Variants in ZNF28 observed in about 807,000 individuals in gnomAD.
ZNF28 encodes zinc finger protein 28, also known as zinc finger protein KOX24.
A neutral mutation model predicts 7.2 loss-of-function variants in ZNF28; 5 were observed. The ratio of observed to expected loss-of-function variants is 0.70; its 90% CI spans 0.36 to 1.46. The LOEUF is 1.46. Ranked by LOEUF, ZNF28 falls within the 40% of genes most tolerant of loss-of-function variation. The pLI, the probability that ZNF28 is intolerant of heterozygous loss-of-function variation, is 0.03. For missense variants in ZNF28, 879 were observed against 866.6 expected, an observed-to-expected ratio of 1.01 and a Z score of -0.18; for synonymous variants, 288 against 292.4, an observed-to-expected ratio of 0.99 and a Z score of 0.15.
rs1389764184 is a variant in ZNF28 at position 52,799,065 on chromosome 19, T to C, written c.*623A>G. ...ATTCTCCTGTCTTTCAAGCTGTGAT[T>C]TGTGACTGACAACTTTGTCACAGTC... On this transcript the variant is annotated 3_prime_UTR_variant, in exon 4 of 4. Transcript: ENST00000457749. The C allele has an allele frequency of 8.3e-6, 4 of 479,758 alleles. No individual in the cohort carries two copies. Among genetic ancestry groups the C allele is most frequent in the Non-Finnish European group, 1.2e-5 (3 of 260,174 alleles). 29.7% of individuals were successfully genotyped at this position (479,758 alleles called of 1,614,324 possible). A position where few individuals can be genotyped will look rare whatever the true frequency, so the allele number is the denominator to read the frequency against.
At chr19:52,820,290 T>TA (rs1420868948) in intron 1 of ZNF28, among the ~76,000 whole-genome samples, 1 of 135,016 alleles carries the variant, frequency 7.4e-6, no homozygotes, top group Non-Finnish European at 1.5e-5. Context: ...GCTAATTTTT[T>TA]GTATTTTTAG....
intron 2 of ZNF28, 91 bp downstream of exon 2, chr19:52,817,853 A>G: frequency 1.9e-6 from 3 of 1,593,202 alleles, no homozygotes; most frequent in Non-Finnish European, 2.6e-6. Context: ...ATCAGGCAGG[A>G]CACTTCAGAC....
chr19:52,803,509 AAGT>A (rs1311090476), intron 3 of ZNF28, among the ~76,000 whole-genome samples: 1 of 152,238 alleles, frequency 6.6e-6, no homozygotes, highest in Non-Finnish European at 1.5e-5. Context: ...AGAAAATAAC[AAGT>A]AGATTTATAC....
At chr19:52,809,197 A>C (rs1005966696) in intron 2 of ZNF28, among the ~76,000 whole-genome samples, 4 of 152,214 alleles carry the variant, frequency 2.6e-5, no homozygotes, top group Admixed American at 1.3e-4. Context: ...ATCCTAGAAG[A>C]AGCAATCACC....
chr19:52,810,778 CCCA>C (rs200898708), intron 2 of ZNF28: 3,686 of 335,430 alleles, frequency 0.011, 229 homozygotes, highest in African/African-American at 0.1. Flanking sequence ...TAAAAAAAAA[CCCA>C]AAAAAAACAG....
Position 52,819,523 on chromosome 19 carries a change from C to T in ZNF28, c.-73-1492G>A, listed in dbSNP as rs62120978. ...TCTATTTTGCCAATCATTTCAGTGG[C>T]CAGGGTCACTCGGGTTGAGCTTTTC... On this transcript the variant is annotated intron_variant, in intron 1 of 3. Coordinates refer to ENST00000457749, the MANE Select transcript of ZNF28 (RefSeq NM_006969.5). Among the ~76,000 whole-genome samples, 146 of 68,362 alleles carry T rather than the reference C, an allele frequency of 2.1e-3. 25 individuals carry two copies. Among genetic ancestry groups the T allele is most frequent in the East Asian group, 8.4e-3 (38 of 4,526 alleles). 44.8% of individuals were successfully genotyped at this position (68,362 alleles called of 152,430 possible). A position where few individuals can be genotyped will look rare whatever the true frequency, so the allele number is the denominator to read the frequency against.
chr19:52,809,825 C>CAGCGGCGGT, intron 2 of ZNF28: 2 of 529,912 alleles, frequency 3.8e-6, no homozygotes, highest in Middle Eastern at 5.2e-4. Flanking sequence ...GCGGCGAAGG[C>CAGCGGCGGT]GGCGGCGGCG....
At position 52,813,555 on chromosome 19, in the gene ZNF28, G is replaced by C. The variant is rs543318418; in HGVS notation, c.15+4389C>G. 4.1e-5 allele frequency among the ~76,000 whole-genome samples: 6 copies of C among 145,148 alleles called. 1 individual carries two copies. The highest frequency in any genetic ancestry group is 8.9e-5 in the Non-Finnish European group (6 of 67,444). Reference sequence around the variant, plus strand: ...CTGTTCGGCTTGTCACCTTCCCTCCGTCTTCTCCTCACCTTTCACAGTCCC... The same window carrying C: ...CTGTTCGGCTTGTCACCTTCCCTCCCTCTTCTCCTCACCTTTCACAGTCCC... On this transcript the variant is annotated intron_variant, in intron 2 of 3. Coordinates refer to ENST00000457749, the MANE Select transcript of ZNF28 (RefSeq NM_006969.5).
rs554029963 is a variant in ZNF28 at position 52,810,033 on chromosome 19, C to T, written c.16-1900G>A. 153 of 738,440 alleles carry T rather than the reference C, an allele frequency of 2.1e-4. 1 individual carries two copies. The Admixed American group carries it at 2.9e-3, about 14-fold the overall frequency. 45.7% of individuals were successfully genotyped at this position (738,440 alleles called of 1,614,324 possible). ...GTTGGAGCCGGAGCCCGAAGAGGAG[C>T]CGCTCCAGCCCCGCGCCCCATGCCT... On this transcript the variant is annotated intron_variant, in intron 2 of 3. Transcript: ENST00000457749.
At chr19:52,803,582 C>T (rs1327583846) in intron 3 of ZNF28, among the ~76,000 whole-genome samples, 1 of 152,168 alleles carries the variant, frequency 6.6e-6, no homozygotes, top group African/African-American at 2.4e-5. Flanking sequence ...GTACTTACCA[C>T]CAGCACACAA....
Position 52,819,658 on chromosome 19 carries a change from C to T in ZNF28, c.-73-1627G>A, listed in dbSNP as rs1176586450. ...GGTCTGAGATGAGTGAGAAGGTGTG[C>T]CTGAATTCTTACATGGGGGCCTGGA... On this transcript the variant is annotated intron_variant, in intron 1 of 3. Coordinates refer to ENST00000457749, the MANE Select transcript of ZNF28 (RefSeq NM_006969.5). Among the ~76,000 whole-genome samples, 5 of 137,742 alleles carry T rather than the reference C, an allele frequency of 3.6e-5. 1 individual carries two copies. The highest frequency in any genetic ancestry group is 1.5e-4 in the Admixed American group (2 of 13,716). 90.4% of individuals were successfully genotyped at this position (137,742 alleles called of 152,430 possible).
Position 52,801,285 on chromosome 19 carries a change from T to G in ZNF28, c.560A>C (p.His187Pro). Residue 187 changes from histidine to proline, a missense_variant, in exon 4 of 4, where the codon CAT (histidine) becomes CCT (proline). Physicochemically the swap from His to Pro is moderately conservative, Grantham distance 77 (BLOSUM62 -2). Transcript: ENST00000457749. ...ATTATTTCCATACTTATTAGAAATA[T>G]GGGTTTTGGGCCTACAACAAATTCT... ...SQRICCRPKT[H>P]ISNKYGNNSL... The G allele has an allele frequency of 6.2e-7, 1 of 1,614,150 alleles. No homozygotes were observed. The highest frequency in any genetic ancestry group is 8.5e-7 in the Non-Finnish European group (1 of 1,180,012).
intron 2 of ZNF28, among the ~76,000 whole-genome samples, chr19:52,808,803 A>G (rs1342383301): frequency 6.6e-6 from 1 of 152,108 alleles, no homozygotes; most frequent in Non-Finnish European, 1.5e-5. Flanking sequence ...ACAAACCGAG[A>G]CCCCATCTCA....
At chr19:52,812,728 T>TC (rs1285279043) in intron 2 of ZNF28, among the ~76,000 whole-genome samples, 1 of 76,214 alleles carries the variant, frequency 1.3e-5, no homozygotes, top group Non-Finnish European at 2.4e-5. Flanking sequence ...CCCTGCCAAA[T>TC]CCCCCTCTGC....
rs1568655817 is a variant in ZNF28, at chr19:52,810,878, CCCCTCCCCCTCCCCCTCCCCCTCCCTCT to C, written c.16-2773_16-2746del. Among the ~76,000 whole-genome samples the C allele has an allele frequency of 2.3e-3, 43 of 18,552 alleles. 3 individuals are homozygous for C. Among genetic ancestry groups the C allele is most frequent in the South Asian group, 6.2e-3 (2 of 324 alleles). The allele number at this position is 18,552 out of a possible 152,430, so 12.2% of individuals were successfully genotyped here. A position where few individuals can be genotyped will look rare whatever the true frequency, so the allele number is the denominator to read the frequency against. ...CCCTCTCCCCCTCCCCCTCCCCCTC[CCCCTCCCCCTCCCCCTCCCCCTCCCTCT>C]CCCTCTCCCTCCACAGTCTCCCTCT... On this transcript the variant is annotated intron_variant, in intron 2 of 3. Coordinates refer to ENST00000457749, the MANE Select transcript of ZNF28 (RefSeq NM_006969.5).
chr19:52,806,804 G>A (rs113917432), intron 3 of ZNF28, among the ~76,000 whole-genome samples: 167 of 151,990 alleles, frequency 1.1e-3, no homozygotes, highest in African/African-American at 3.7e-3. Flanking sequence ...CAGGAATCTG[G>A]GGCATAAGCA....
Position 52,800,646 on chromosome 19 carries a change from C to A in ZNF28, c.1199G>T (p.Arg400Ile), listed in dbSNP as rs748132188. The change falls in exon 4 of 4, where the codon AGA becomes ATA. Residue 400 changes from arginine to isoleucine, a missense_variant. By Grantham distance (97) the Arg-to-Ile change is moderately conservative (BLOSUM62 -3). This residue lies in a region of ZNF28 where 864 missense variants were observed against 830.2 expected (regional missense o/e 1.04). Coordinates refer to ENST00000457749, the MANE Select transcript of ZNF28 (RefSeq NM_006969.5). ...CTCTCCAGTATGAATCCTCTTATGT[C>A]TTTCAAGATGTGATTTGCGACTGAA... ...KVFSRKSHLE[R>I]HKRIHTGEKP... 6.2e-7 allele frequency: 1 copy of A among 1,612,778 alleles called. No individual in the cohort carries two copies. Among genetic ancestry groups the A allele is most frequent in the Non-Finnish European group, 8.5e-7 (1 of 1,179,594 alleles).
At chr19:52,820,323 T>C (rs2063179898) in intron 1 of ZNF28, among the ~76,000 whole-genome samples, 1 of 135,070 alleles carries the variant, frequency 7.4e-6, no homozygotes, top group Admixed American at 7.5e-5. Context: ...TTCACCTTGT[T>C]AGCCAGGATG....
At position 52,800,431 on chromosome 19, in the gene ZNF28, A is replaced by G. The variant is rs1265466539; in HGVS notation, c.1414T>C (p.Cys472Arg). ...GATTTGCACCTGAAAACTTTGTCAC[A>G]TTCTTCACATTTGTATGGTTTCTCT... ...TAEKPYKCEE[C>R]DKVFRCKSHL... Residue 472 changes from cysteine (C) to arginine (R), a missense_variant, in exon 4 of 4, where the codon TGT (cysteine) becomes CGT (arginine). Cys to Arg is a radical substitution (Grantham distance 180). This residue lies in a region of ZNF28 where 864 missense variants were observed against 830.2 expected (regional missense o/e 1.04). Coordinates refer to ENST00000457749, the MANE Select transcript of ZNF28 (RefSeq NM_006969.5). The G allele has an allele frequency of 1.2e-6, 2 of 1,613,468 alleles. No individual in the cohort carries two copies. Among genetic ancestry groups the G allele is most frequent in the Non-Finnish European group, 1.7e-6 (2 of 1,179,734 alleles).
Sources: gnomAD v4.1 joint callset for allele counts (sites outside exome capture counted in the v4.1 genomes callset) on GRCh38, gnomAD v4.1.1 for gene constraint, gnomAD v4.1.1 regional missense constraint, MANE v1.5 for transcripts, NCBI Gene and HGNC (gene_info 2026-07-23, HGNC 2026-07-21) for gene names.